TSPAN4: variants seen among roughly 807,000 people sequenced by gnomAD.
TSPAN4 encodes the protein tetraspanin 4, also known as tetraspanin-4.
In TSPAN4, 38 loss-of-function variants were observed where a neutral mutation model predicts 31.5. The ratio of observed to expected loss-of-function variants is 1.21; its 90% confidence interval spans 0.93 to 1.58. TSPAN4 has a LOEUF of 1.58. Ranked by LOEUF, TSPAN4 falls within the 40% of genes most tolerant of loss-of-function variation. The pLI, the probability that TSPAN4 is intolerant of heterozygous loss-of-function variation, is 0.00. For missense variants in TSPAN4, 330 were observed against 317.3 expected, an observed-to-expected ratio of 1.04 and a Z score of -0.30; for synonymous variants, 186 against 144.6, an observed-to-expected ratio of 1.29 and a Z score of -2.06.
chr11:854,058 T>A (rs1325644285), intron 3 of TSPAN4, among the ~76,000 whole-genome samples: 1 of 152,184 alleles, frequency 6.6e-6, no homozygotes. Context: ...CCAGCGACAC[T>A]CTTCCCCTAA....
intron 1 of TSPAN4, among the ~76,000 whole-genome samples, chr11:846,446 C>T (rs534095152): frequency 6.6e-6 from 1 of 152,210 alleles, no homozygotes; most frequent in Non-Finnish European, 1.5e-5. Flanking sequence ...TTCCCTCCTG[C>T]CCTTGGGCTA....
At chr11:866,034 C>A (rs566104032) in intron 8 of TSPAN4, 33 bp downstream of exon 8, 2 of 1,605,544 alleles carry the variant, frequency 1.2e-6, no homozygotes, top group South Asian at 2.2e-5. Context: ...CTCCCTGCCC[C>A]CACTTTGTTA....
At chr11:862,250 A>G in intron 3 of TSPAN4, 1 of 403,808 alleles carries the variant, frequency 2.5e-6, no homozygotes, top group Non-Finnish European at 4.4e-6. Flanking sequence ...CTTTGGCTCC[A>G]GGCCAGGGGT....
At chr11:859,134 C>T (rs1302318703) in intron 3 of TSPAN4, among the ~76,000 whole-genome samples, 2 of 136,914 alleles carry the variant, frequency 1.5e-5, no homozygotes, top group African/African-American at 5.5e-5. Flanking sequence ...TCACACGCAC[C>T]CCTGGGCTCA....
rs1001386456 is a variant in TSPAN4 at position 866,056 on chromosome 11, G to T, written c.648+55G>T. The T allele has an allele frequency of 1.9e-6, 3 of 1,578,468 alleles. No individual in the cohort carries two copies. In the African/African-American group the frequency reaches 4.0e-5, roughly 21 times the overall value. ...CCCCCACTTTGTTAGGACCTTCTGA[G>T]CCCAGGGAACAAAGTAGCAAAGACC... On this transcript the variant is annotated intron_variant, in intron 8 of 8. Transcript: ENST00000397397.
chr11:866,455 T>TGGGGTC (rs905592868), intron 8 of TSPAN4, 107 bp from the exon 9 acceptor site: 7 of 1,027,534 alleles, frequency 6.8e-6, no homozygotes, highest in South Asian at 1.6e-5. Flanking sequence ...TCGCCCACCC[T>TGGGGTC]GGGGTCGGGG....
At chr11:864,180 C>T in intron 4 of TSPAN4, 1 of 570,428 alleles carries the variant, frequency 1.8e-6, no homozygotes, top group South Asian at 2.1e-5. Flanking sequence ...GGGATGGGGG[C>T]AGGGGAGGGG....
chr11:847,118 C>A (rs1847364310), intron 1 of TSPAN4, 83 bp from the exon 2 acceptor site: 1 of 152,198 alleles, frequency 6.6e-6, no homozygotes, highest in Non-Finnish European at 1.5e-5. Flanking sequence ...GTGGGGGTTC[C>A]CTGCCCTTCT....
At chr11:844,903 C>T (rs1337318613) in intron 1 of TSPAN4, among the ~76,000 whole-genome samples, 2 of 152,132 alleles carry the variant, frequency 1.3e-5, no homozygotes, top group African/African-American at 2.4e-5. Context: ...GCTGCTGACC[C>T]CTCCCACCCT....
At chr11:858,792 G>GGGCTCA (rs1848219740) in intron 3 of TSPAN4, 2 of 112,964 alleles carry the variant, frequency 1.8e-5, no homozygotes, top group Middle Eastern at 6.8e-3. Flanking sequence ...ATGCACCCCC[G>GGGCTCA]CTTGCATGCA....
At chr11:845,547 C>T (rs1276889885) in intron 1 of TSPAN4, among the ~76,000 whole-genome samples, 1 of 152,120 alleles carries the variant, frequency 6.6e-6, no homozygotes. Context: ...CTGATGTGCC[C>T]CCCCAGACTG....
intron 1 of TSPAN4, chr11:844,707 G>GA: frequency 1.1e-5 from 1 of 91,286 alleles, no homozygotes; most frequent in South Asian, 3.3e-4. Flanking sequence ...CCTGGCTTCT[G>GA]GGGGGGGGGG....
chr11:844,742 G>C (rs1489508039), intron 1 of TSPAN4, among the ~76,000 whole-genome samples: 2 of 151,888 alleles, frequency 1.3e-5, no homozygotes, highest in African/African-American at 2.4e-5. Flanking sequence ...AGGAGGGTGA[G>C]GCGCTGGTTT....
chr11:859,355 T>C (rs1249842315), intron 3 of TSPAN4, among the ~76,000 whole-genome samples: 1 of 3,898 alleles, frequency 2.6e-4, no homozygotes. Flanking sequence ...CACCCCGGGC[T>C]CACACGCACC....
At chr11:853,780 G>A (rs1374581606) in intron 3 of TSPAN4, among the ~76,000 whole-genome samples, 2 of 152,230 alleles carry the variant, frequency 1.3e-5, no homozygotes, top group Non-Finnish European at 2.9e-5. Flanking sequence ...CAGCTCCGCT[G>A]GGGCACAGCC....
chr11:850,275 A>T lies in TSPAN4; in HGVS notation c.-17-13A>T, dbSNP rs768748986. 6 of 1,600,268 alleles carry T rather than the reference A, an allele frequency of 3.7e-6. No homozygotes were observed. The highest frequency in any genetic ancestry group is 4.3e-6 in the Non-Finnish European group (5 of 1,173,976). ...GGTTTTCTACCTGGACCTCTCCTTC[A>T]TCTTCCTCCTAGAACTGAAGCGCTG... On this transcript the variant is annotated splice_polypyrimidine_tract_variant and intron_variant, in intron 2 of 8. Transcript: ENST00000397397.
Position 848,668 on chromosome 11 carries a change from A to C in TSPAN4, c.-18+1368A>C. The C allele has an allele frequency of 2.0e-6, 1 of 491,492 alleles. No homozygotes were observed. The highest frequency in any genetic ancestry group is 3.6e-6 in the Non-Finnish European group (1 of 276,472). 30.4% of individuals were successfully genotyped at this position (491,492 alleles called of 1,614,324 possible). Reference sequence around the variant, plus strand: ...ATGGAGCACCCCCTTCCCCTCCCTTAGCTTCCTCTCCCTCCTCTTCCTCCT... The same window carrying C: ...ATGGAGCACCCCCTTCCCCTCCCTTCGCTTCCTCTCCCTCCTCTTCCTCCT... On this transcript the variant is annotated intron_variant, in intron 2 of 8. Coordinates refer to ENST00000397397, the MANE Select transcript of TSPAN4 (RefSeq NM_003271.5). This position sits in a 1 kb window ranked among gnomAD's most constrained non-coding sequence, Gnocchi z 5.7.
chr11:865,477 T>C (rs753308100), intron 5 of TSPAN4, 36 bp from the exon 6 acceptor site: 26 of 1,557,426 alleles, frequency 1.7e-5, no homozygotes, highest in Non-Finnish European at 2.3e-5. Flanking sequence ...CGGGGTACAG[T>C]GGGAGGGGCC....
chr11:850,683 CCCGGGCACTGCGCCTCT>C (rs1469455819), intron 3 of TSPAN4, among the ~76,000 whole-genome samples: 1 of 152,244 alleles, frequency 6.6e-6, no homozygotes, highest in Non-Finnish European at 1.5e-5. Context: ...GACAGGGCCA[CCCGGGCACTGCGCCTCT>C]CCTAGGGTCG....
Sources: gnomAD v4.1 joint callset for allele counts (sites outside exome capture counted in the v4.1 genomes callset) on GRCh38, gnomAD v4.1.1 for gene constraint, Gnocchi (gnomAD v3.1) non-coding constraint, MANE v1.5 for transcripts, NCBI Gene and HGNC (gene_info 2026-07-23, HGNC 2026-07-21) for gene names.